CATSPERB: variants seen among roughly 807,000 people sequenced by gnomAD.
The protein encoded by CATSPERB is catsper channel auxiliary subunit beta.
Under a neutral mutation model 128.3 loss-of-function variants are expected in CATSPERB, and 93 were observed. The ratio of observed to expected loss-of-function variants is 0.72; its 90% CI spans 0.61 to 0.86. CATSPERB has a LOEUF of 0.86. Ranked by LOEUF, CATSPERB falls within the 40% of genes least tolerant of loss-of-function variation. The pLI is 0.00. For missense variants in CATSPERB, 1,153 were observed against 1,329.5 expected, an observed-to-expected ratio of 0.87 and a Z score of 2.06; for synonymous variants, 381 against 448.8, an observed-to-expected ratio of 0.85 and a Z score of 1.91.
chr14:91,647,372 G>A (rs1264366683), intron 15 of CATSPERB, among the ~76,000 whole-genome samples: 5 of 152,110 alleles, frequency 3.3e-5, no homozygotes, highest in Non-Finnish European at 5.9e-5. Flanking sequence ...CTCTTCATTA[G>A]TCCACCAAAT....
At chr14:91,628,711 T>G (rs1894214649) in intron 17 of CATSPERB, among the ~76,000 whole-genome samples, 1 of 152,198 alleles carries the variant, frequency 6.6e-6, no homozygotes, top group African/African-American at 2.4e-5. Context: ...GAACTGTGAG[T>G]CAATTAAACC....
intron 7 of CATSPERB, among the ~76,000 whole-genome samples, chr14:91,697,476 A>G (rs1040802723): frequency 6.6e-6 from 1 of 152,226 alleles, no homozygotes; most frequent in Non-Finnish European, 1.5e-5. Flanking sequence ...TACGGATTTC[A>G]GAGCTAATGA....
intron 19 of CATSPERB, among the ~76,000 whole-genome samples, chr14:91,619,794 T>C (rs993248649): frequency 6.6e-5 from 10 of 151,340 alleles, no homozygotes; most frequent in Admixed American, 2.0e-4. Flanking sequence ...TGGAAGTCCA[T>C]ATTACCTGGG....
chr14:91,628,243 C>T (rs924499293), intron 17 of CATSPERB, among the ~76,000 whole-genome samples: 10 of 152,094 alleles, frequency 6.6e-5, no homozygotes, highest in Non-Finnish European at 1.5e-5. Context: ...AGTAGCTGCA[C>T]CTACAGGCAC....
At chr14:91,715,940 C>T (rs1382279298) in intron 5 of CATSPERB, among the ~76,000 whole-genome samples, 1 of 152,118 alleles carries the variant, frequency 6.6e-6, no homozygotes, top group Non-Finnish European at 1.5e-5. Context: ...CAAAATAAAT[C>T]ATAGACCTAA....
intron 21 of CATSPERB, 26 bp from the exon 22 acceptor site, chr14:91,608,430 G>A (rs763343885): frequency 2.4e-6 from 3 of 1,250,938 alleles, no homozygotes; most frequent in African/African-American, 3.0e-5. Context: ...CAAAGAAAAT[G>A]TACAATTCAT....
In CATSPERB at chr14:91,708,238, T is replaced by C. The variant is rs770130982; in HGVS notation, c.371-2A>G. 3 of 1,585,908 alleles carry C rather than the reference T, an allele frequency of 1.9e-6. No homozygotes were observed. Among genetic ancestry groups the C allele is most frequent in the South Asian group, 1.1e-5 (1 of 87,874 alleles). On this transcript the variant is annotated splice_acceptor_variant, in intron 5 of 26. Transcript: ENST00000256343. LOFTEE classifies it high-confidence loss of function. ...ACCATTCTTCTACAGCTGCAATATC[T>C]GTTTGAAAACAAAAGGCAAATAATC...
intron 10 of CATSPERB, among the ~76,000 whole-genome samples, chr14:91,687,590 CT>C (rs548765676): frequency 9.0e-4 from 137 of 152,244 alleles, no homozygotes; most frequent in African/African-American, 3.1e-3. Context: ...AATTTCTGTT[CT>C]GTATAAGCCA....
At chr14:91,707,137 A>C (rs1456248240) in intron 6 of CATSPERB, among the ~76,000 whole-genome samples, 3 of 152,210 alleles carry the variant, frequency 2.0e-5, no homozygotes, top group African/African-American at 4.8e-5. Flanking sequence ...GATTCCTGCC[A>C]GCTTCTCCAA....
chr14:91,593,423 C>T (rs982323004), intron 22 of CATSPERB, among the ~76,000 whole-genome samples: 1 of 152,194 alleles, frequency 6.6e-6, no homozygotes, highest in Non-Finnish European at 1.5e-5. Flanking sequence ...GGTGGAGCTG[C>T]CCAAAACCAT....
intron 14 of CATSPERB, among the ~76,000 whole-genome samples, chr14:91,667,447 G>C (rs747937951): frequency 1.2e-4 from 19 of 152,192 alleles, no homozygotes; most frequent in East Asian, 1.9e-4. Context: ...GAAGGAAAGA[G>C]AGAGATAGAA....
chr14:91,611,846 T>G (rs1191715452), intron 20 of CATSPERB, among the ~76,000 whole-genome samples: 1 of 152,206 alleles, frequency 6.6e-6, no homozygotes, highest in Non-Finnish European at 1.5e-5. Context: ...CACATTGTAT[T>G]CCTTAAATAT....
At chr14:91,601,479 T>C (rs1254138245) in intron 22 of CATSPERB, among the ~76,000 whole-genome samples, 1 of 152,144 alleles carries the variant, frequency 6.6e-6, no homozygotes, top group Non-Finnish European at 1.5e-5. Context: ...AATGAATATA[T>C]ATGGTAAATT....
chr14:91,716,712 T>TACACACACACAC (rs34934524), intron 5 of CATSPERB, among the ~76,000 whole-genome samples: 1 of 137,540 alleles, frequency 7.3e-6, no homozygotes, highest in South Asian at 2.3e-4. Flanking sequence ...TTTACAAGCA[T>TACACACACACAC]ACACACACAC....
chr14:91,654,749 G>C (rs749791011), intron 15 of CATSPERB, among the ~76,000 whole-genome samples: 11 of 152,162 alleles, frequency 7.2e-5, no homozygotes, highest in Non-Finnish European at 8.8e-5. Context: ...CTTGGGCCTA[G>C]AGTGAACATA....
chr14:91,724,547 CTG>C (rs989462264), intron 3 of CATSPERB, among the ~76,000 whole-genome samples: 2 of 152,048 alleles, frequency 1.3e-5, no homozygotes, highest in Admixed American at 1.3e-4. Flanking sequence ...TTTAGACAAT[CTG>C]TGCATTTTTT....
intron 24 of CATSPERB, among the ~76,000 whole-genome samples, chr14:91,588,987 C>A (rs528071331): frequency 3.3e-5 from 5 of 152,310 alleles, no homozygotes; most frequent in Non-Finnish European, 7.3e-5. Flanking sequence ...ACCTACATAT[C>A]TCCTTAGAGT....
chr14:91,647,250 T>C lies in CATSPERB; in HGVS notation c.1433-8000A>G, dbSNP rs540011943. On this transcript the variant is annotated intron_variant, in intron 15 of 26. Coordinates refer to ENST00000256343, the MANE Select transcript of CATSPERB (RefSeq NM_024764.4). ...CCTTGGGGATATGTGTGAGTGTGTA[T>C]GGATTTACCTCTGATTAATCTTTAT... is the stretch of plus-strand genomic sequence containing the variant. Among the ~76,000 whole-genome samples the C allele has an allele frequency of 8.1e-4, 124 of 152,326 alleles. 1 individual carries two copies. The highest frequency in any genetic ancestry group is 8.1e-3 in the Admixed American group (124 of 15,308).
At chr14:91,646,002 C>T (rs7143188) in intron 15 of CATSPERB, 27,069 of 150,392 alleles carry the variant, frequency 0.18, 2,493 homozygotes, top group South Asian at 0.22. Flanking sequence ...TTCTTTGACT[C>T]GGAAAGGGAA....
Sources: allele counts gnomAD v4.1 joint callset (sites outside exome capture counted in the v4.1 genomes callset), GRCh38; gene constraint gnomAD v4.1.1; transcripts MANE v1.5; gene names NCBI Gene and HGNC (gene_info 2026-07-23, HGNC 2026-07-21).